The following FBXL4 variants were observed in gnomAD, a reference collection of about 807,000 sequenced individuals.
FBXL4 encodes the protein F-box/LRR-repeat protein 4.
A neutral mutation model predicts 58.9 loss-of-function variants in FBXL4; 40 were observed. The observed-to-expected ratio is 0.68, with a 90% CI of 0.53 to 0.88. The LOEUF (loss-of-function observed/expected upper bound fraction) is 0.88. FBXL4 is among the 40% of genes least tolerant of loss of function. The pLI is 0.00. For synonymous variants in FBXL4, 263 were observed against 265.5 expected (o/e 0.99, Z 0.09); for missense variants, 676 against 734.4 (o/e 0.92, Z 0.92).
intron 1 of FBXL4, among the ~76,000 whole-genome samples, chr6:98,939,513 C>T (rs1446547682): frequency 6.6e-6 from 1 of 152,156 alleles, no homozygotes; most frequent in African/African-American, 2.4e-5. Context: ...TGGTATTTCA[C>T]AAAAAGTGCA....
chr6:98,941,098 T>C (rs2128412853), intron 1 of FBXL4, among the ~76,000 whole-genome samples: 1 of 152,236 alleles, frequency 6.6e-6, no homozygotes, highest in Admixed American at 6.5e-5. Context: ...AAAACCTACA[T>C]CCAACCAAAA....
intron 3 of FBXL4, 89 bp from the exon 4 acceptor site, chr6:98,927,149 T>C (rs1772822811): frequency 1.7e-6 from 1 of 594,152 alleles, no homozygotes; most frequent in Non-Finnish European, 2.8e-6. Flanking sequence ...CTACCCTCAA[T>C]GTAATTTCTC....
intron 7 of FBXL4, among the ~76,000 whole-genome samples, chr6:98,883,647 T>C (rs1012674449): frequency 6.6e-6 from 1 of 151,926 alleles, no homozygotes; most frequent in Admixed American, 6.6e-5. Flanking sequence ...TCCAGTTTGA[T>C]TTATTGAAGA....
intron 1 of FBXL4, among the ~76,000 whole-genome samples, chr6:98,942,145 C>T (rs941560095): frequency 6.6e-6 from 1 of 151,048 alleles, no homozygotes; most frequent in African/African-American, 2.4e-5. Context: ...TCTAGATATG[C>T]AAGTATACTT....
chr6:98,937,852 T>C (rs934352601), intron 1 of FBXL4, among the ~76,000 whole-genome samples: 2 of 152,174 alleles, frequency 1.3e-5, no homozygotes, highest in African/African-American at 4.8e-5. Flanking sequence ...TTCTGCCAAA[T>C]TGTCTAATGT....
At chr6:98,947,090 C>T (rs1332853949) in intron 1 of FBXL4, among the ~76,000 whole-genome samples, 1 of 152,220 alleles carries the variant, frequency 6.6e-6, no homozygotes, top group Admixed American at 6.5e-5. Context: ...ATCCTGCCAA[C>T]GCAACTACCT....
In FBXL4 at chr6:98,917,495, A is replaced by G. The variant is rs143154211; in HGVS notation, c.737T>C (p.Ile246Thr). 1,427 of 1,614,062 alleles carry G rather than the reference A, an allele frequency of 8.8e-4. 1 individual carries two copies. The highest frequency in any genetic ancestry group is 1.1e-3 in the Non-Finnish European group (1,347 of 1,179,942). ...LKTSLIDMND[I>T]EDDAYAEKDG... The stretch of plus-strand genomic sequence containing the variant: ...CTTTTCTGCATAGGCATCATCTTCT[A>G]TATCATTCATGTCAATAAGTGAAGT... The change falls in exon 5 of 10, where the codon ATA (isoleucine) becomes ACA (threonine). Residue 246 changes from isoleucine (I) to threonine (T), a missense_variant. By Grantham distance (89) the Ile-to-Thr change is moderately conservative (BLOSUM62 -1). Transcript: ENST00000369244.
At chr6:98,918,453 T>C (rs896075503) in intron 4 of FBXL4, among the ~76,000 whole-genome samples, 1 of 152,146 alleles carries the variant, frequency 6.6e-6, no homozygotes, top group African/African-American at 2.4e-5. Flanking sequence ...TTCCTCCCCA[T>C]GAAATGCCCA....
At chr6:98,878,610 A>C (rs1490194514) in intron 8 of FBXL4, among the ~76,000 whole-genome samples, 1 of 152,112 alleles carries the variant, frequency 6.6e-6, no homozygotes, top group Non-Finnish European at 1.5e-5. Flanking sequence ...GGAAAATGCT[A>C]ACTTAAAATA....
chr6:98,900,277 C>T (rs1432842689), intron 6 of FBXL4, among the ~76,000 whole-genome samples: 1 of 152,038 alleles, frequency 6.6e-6, no homozygotes, highest in East Asian at 1.9e-4. Context: ...CAAACTGAAC[C>T]CTCTTAACAG....
At chr6:98,912,459 C>T (rs1054792551) in intron 5 of FBXL4, among the ~76,000 whole-genome samples, 2 of 152,192 alleles carry the variant, frequency 1.3e-5, no homozygotes, top group African/African-American at 2.4e-5. Flanking sequence ...GGAAGCCCAT[C>T]AGACTAACTG....
intron 5 of FBXL4, among the ~76,000 whole-genome samples, chr6:98,912,048 A>G (rs1406754331): frequency 2.0e-5 from 3 of 152,234 alleles, no homozygotes; most frequent in Non-Finnish European, 4.4e-5. Context: ...TCAGGAGCCC[A>G]TGCAATCAAC....
intron 7 of FBXL4, among the ~76,000 whole-genome samples, chr6:98,897,851 G>C (rs1009179965): frequency 1.3e-5 from 2 of 151,952 alleles, no homozygotes; most frequent in Non-Finnish European, 2.9e-5. Context: ...CCAAGTCACT[G>C]GTATATCATT....
At chr6:98,936,784 T>C (rs929075696) in intron 1 of FBXL4, among the ~76,000 whole-genome samples, 1 of 152,160 alleles carries the variant, frequency 6.6e-6, no homozygotes. Context: ...AGTAAAAAAT[T>C]ATAGCTGGAT....
chr6:98,913,980 G>T lies in FBXL4; in HGVS notation c.858+3394C>A, dbSNP rs371272858. Among the ~76,000 whole-genome samples, 204 of 152,006 alleles carry T rather than the reference G, an allele frequency of 1.3e-3. 2 individuals carry two copies. In the Middle Eastern group the frequency reaches 0.02, roughly 15 times the overall value. Reference sequence around the variant, plus strand: ...CGGACTCAATAAAAAATGATAAAGGGGATATCACCACCGATCCCACAGAAA... The same window carrying T: ...CGGACTCAATAAAAAATGATAAAGGTGATATCACCACCGATCCCACAGAAA... On this transcript the variant is annotated intron_variant, in intron 5 of 9. Coordinates refer to ENST00000369244, the MANE Select transcript of FBXL4 (RefSeq NM_001278716.2).
chr6:98,897,930 C>A (rs1771463654), intron 7 of FBXL4, among the ~76,000 whole-genome samples: 3 of 152,074 alleles, frequency 2.0e-5, no homozygotes, highest in Admixed American at 2.0e-4. Flanking sequence ...CAATCTTTAC[C>A]AAGTACTATT....
rs998907172 is a variant in FBXL4, at chr6:98,872,226, T to C, written c.*2052A>G. On this transcript the variant is annotated 3_prime_UTR_variant, in exon 10 of 10. Transcript: ENST00000369244. Reference sequence around the variant, plus strand: ...TTTCAAAATCAATTTAACAGTGCAATTGAGGAGCTTCTGCCTAGTCTTCAA... The same window carrying C: ...TTTCAAAATCAATTTAACAGTGCAACTGAGGAGCTTCTGCCTAGTCTTCAA... 6.6e-6 allele frequency: 1 copy of C among 152,194 alleles called. No individual in the cohort carries two copies. The highest frequency in any genetic ancestry group is 1.5e-5 in the Non-Finnish European group (1 of 68,014). The allele number at this position is 152,194 out of a possible 1,614,324, so 9.4% of individuals were successfully genotyped here.
intron 2 of FBXL4, among the ~76,000 whole-genome samples, chr6:98,932,736 C>T (rs773967609): frequency 1.3e-5 from 2 of 151,966 alleles, no homozygotes; most frequent in Non-Finnish European, 2.9e-5. Flanking sequence ...GATGAAAGAA[C>T]CTGAAAACAA....
chr6:98,898,191 A>G, intron 7 of FBXL4: 1 of 609,758 alleles, frequency 1.6e-6, no homozygotes, highest in Non-Finnish European at 2.1e-6. Flanking sequence ...ATAATGAGCT[A>G]GACAAACATT....
Sources: gnomAD v4.1 joint callset for allele counts (sites outside exome capture counted in the v4.1 genomes callset) on GRCh38, gnomAD v4.1.1 for gene constraint, MANE v1.5 for transcripts, NCBI Gene and HGNC (gene_info 2026-07-23, HGNC 2026-07-21) for gene names.